SLC38A10: variants seen among roughly 807,000 people sequenced by gnomAD.
The protein encoded by SLC38A10 is Sodium-coupled neutral amino acid transporter 10.
In SLC38A10, 53 loss-of-function variants were observed where a neutral mutation model predicts 81.0. The observed-to-expected ratio is 0.65, with a 90% CI of 0.53 to 0.82. SLC38A10 has a LOEUF of 0.82. Ranked by LOEUF, SLC38A10 falls within the 40% of genes least tolerant of loss-of-function variation. The pLI is 0.00. For synonymous variants in SLC38A10, 665 were observed against 655.3 expected, an observed-to-expected ratio of 1.01 and a Z score of -0.23; for missense variants, 1,471 against 1,545.0, an observed-to-expected ratio of 0.95 and a Z score of 0.80.
Position 81,286,657 on chromosome 17 carries a change from G to C in SLC38A10, c.218-1762C>G, listed in dbSNP as rs1164424093. On this transcript the variant is annotated intron_variant, in intron 2 of 15. Transcript: ENST00000374759. The surrounding 1 kb of genome is among the most constrained non-coding windows in gnomAD (Gnocchi z 6.0). ...CGGGCCCAGCCCCTGCCAGGCTGGA[G>C]GTATCTGTGAGCGGCGAGCTCTGAG... 6.6e-6 allele frequency among the ~76,000 whole-genome samples: 1 copy of C among 152,194 alleles called. No individual in the cohort carries two copies. The highest frequency in any genetic ancestry group is 1.9e-4 in the East Asian group (1 of 5,196).
chr17:81,273,974 C>T (rs1190606755), intron 8 of SLC38A10, among the ~76,000 whole-genome samples: 1 of 152,242 alleles, frequency 6.6e-6, no homozygotes, highest in Non-Finnish European at 1.5e-5. Context: ...ACGGAGGAAA[C>T]AGCCAGGTCC....
chr17:81,275,048 GGCATGCGCTGCCAT>G (rs2063148730), intron 8 of SLC38A10, among the ~76,000 whole-genome samples: 1 of 152,178 alleles, frequency 6.6e-6, no homozygotes, highest in African/African-American at 2.4e-5. Flanking sequence ...TAGGACTACA[GGCATGCGCTGCCAT>G]GCGTGGCTAA....
intron 6 of SLC38A10, among the ~76,000 whole-genome samples, chr17:81,279,400 C>T (rs1277222744): frequency 2.6e-5 from 4 of 152,206 alleles, no homozygotes; most frequent in South Asian, 4.1e-4. Flanking sequence ...GGTGCAGTGA[C>T]GCTGTGGGAG....
intron 14 of SLC38A10, chr17:81,251,020 G>A (rs2062905355): frequency 7.8e-6 from 11 of 1,418,370 alleles, no homozygotes; most frequent in African/African-American, 1.4e-5. Flanking sequence ...CCAGGGCTAT[G>A]CTAGGACCAG....
At chr17:81,290,544 C>T (rs1012461917) in intron 1 of SLC38A10, among the ~76,000 whole-genome samples, 6 of 152,176 alleles carry the variant, frequency 3.9e-5, no homozygotes, top group African/African-American at 1.4e-4. Context: ...TTACAGGAAA[C>T]TCAGAAAAGG....
At chr17:81,271,273 A>T (rs2063113388) in intron 9 of SLC38A10, among the ~76,000 whole-genome samples, 1 of 152,052 alleles carries the variant, frequency 6.6e-6, no homozygotes, top group Admixed American at 6.5e-5. Context: ...GACACTAGGG[A>T]CCTCCTGCCG....
chr17:81,252,834 T>C lies in SLC38A10; in HGVS notation c.1457-151A>G, dbSNP rs893634090. The C allele has an allele frequency of 3.8e-6, 5 of 1,312,630 alleles. No homozygotes were observed. The African/African-American group carries it at 7.4e-5, about 19-fold the overall frequency. The allele number at this position is 1,312,630 out of a possible 1,614,324, so 81.3% of individuals were successfully genotyped here. Reference sequence around the variant, plus strand: ...CTCCCCTGCCGGCCTCCCTGCTGCCTGGCCAAGCACAGCTGATGCTAAAGT... The same window carrying C: ...CTCCCCTGCCGGCCTCCCTGCTGCCCGGCCAAGCACAGCTGATGCTAAAGT... On this transcript the variant is annotated intron_variant, in intron 12 of 15. Transcript: ENST00000374759.
intron 14 of SLC38A10, 187 bp from the exon 15 acceptor site, chr17:81,247,248 G>A: frequency 1.8e-6 from 1 of 554,038 alleles, no homozygotes; most frequent in South Asian, 4.3e-5. Context: ...ATGCACGCAG[G>A]CCTGAGGGCC....
Position 81,270,908 on chromosome 17 carries a change from C to G in SLC38A10, c.1131+10G>C, listed in dbSNP as rs549501754. On this transcript the variant is annotated intron_variant, in intron 10 of 15. Transcript: ENST00000374759. The surrounding 1 kb of genome is among the most constrained non-coding windows in gnomAD (Gnocchi z 4.0). ...GCCCTCGTCCAGGCCACCCCACGAG[C>G]AGCACGCACCTGGGAGGAAAGTGCG... 6.2e-7 allele frequency: 1 copy of G among 1,612,748 alleles called. No homozygotes were observed. The highest frequency in any genetic ancestry group is 1.7e-5 in the Admixed American group (1 of 60,010).
chr17:81,283,584 G>T lies in SLC38A10; in HGVS notation c.264-82C>A. 3.0e-6 allele frequency: 3 copies of T among 1,007,668 alleles called. No homozygotes were observed. The highest frequency in any genetic ancestry group is 2.4e-5 in the Admixed American group (1 of 40,994). The allele number at this position is 1,007,668 out of a possible 1,614,324, so 62.4% of individuals were successfully genotyped here. On this transcript the variant is annotated intron_variant, in intron 3 of 15. Coordinates refer to ENST00000374759, the MANE Select transcript of SLC38A10 (RefSeq NM_001037984.3). This position sits in a 1 kb window ranked among gnomAD's most constrained non-coding sequence, Gnocchi z 4.7. ...GGCTGCCGCCAGGGACTACCCCAAG[G>T]CTGGGCTGAATGACAGATGTGATTT...
chr17:81,284,742 C>A, intron 3 of SLC38A10, 108 bp downstream of exon 3: 2 of 864,370 alleles, frequency 2.3e-6, no homozygotes, highest in Non-Finnish European at 3.4e-6. Context: ...TCTTCAGAAA[C>A]CTAAGTTACA....
intron 8 of SLC38A10, among the ~76,000 whole-genome samples, chr17:81,275,038 T>C (rs1309852456): frequency 6.6e-6 from 1 of 152,200 alleles, no homozygotes; most frequent in Non-Finnish European, 1.5e-5. Flanking sequence ...CCCGAGTCAC[T>C]AGGACTACAG....
At chr17:81,260,109 C>A (rs998166750) in intron 11 of SLC38A10, 129 bp downstream of exon 11, 5 of 1,212,588 alleles carry the variant, frequency 4.1e-6, no homozygotes, top group African/African-American at 1.5e-5. Flanking sequence ...GCTGGTGGCC[C>A]CACCCTGCTG....
In SLC38A10 at chr17:81,252,163, G is replaced by C. The variant is rs371713225; in HGVS notation, c.1945+32C>G. 1.3e-5 allele frequency: 20 copies of C among 1,492,748 alleles called. No individual in the cohort carries two copies. The African/African-American group carries it at 2.5e-4, about 19-fold the overall frequency. 92.5% of individuals were successfully genotyped at this position (1,492,748 alleles called of 1,614,324 possible). A position where few individuals can be genotyped will look rare whatever the true frequency, so the allele number is the denominator to read the frequency against. On this transcript the variant is annotated intron_variant, in intron 13 of 15. Transcript: ENST00000374759. ...AGCCTCCCCAGCCCAAGAGGGGAGT[G>C]TCTTCCGACACGAGCCCAGGCTGAC...
Position 81,295,126 on chromosome 17 carries a change from G to C in SLC38A10, c.-205C>G. ...CCTGGAGGAGGCAGCCTCGAAGGCCGGCTGCGGGGGCGAGGTCAACCTCCG... is the reference window on the plus strand; with the variant it reads ...CCTGGAGGAGGCAGCCTCGAAGGCCCGCTGCGGGGGCGAGGTCAACCTCCG... On this transcript the variant is annotated 5_prime_UTR_variant, in exon 1 of 16. Coordinates refer to ENST00000374759, the MANE Select transcript of SLC38A10 (RefSeq NM_001037984.3). The C allele has an allele frequency of 1.1e-6, 1 of 890,814 alleles. No homozygotes were observed. The highest frequency in any genetic ancestry group is 4.7e-5 in the East Asian group (1 of 21,236). 55.2% of individuals were successfully genotyped at this position (890,814 alleles called of 1,614,324 possible).
At chr17:81,273,689 A>G (rs1342088801) in intron 8 of SLC38A10, among the ~76,000 whole-genome samples, 1 of 152,182 alleles carries the variant, frequency 6.6e-6, no homozygotes, top group Non-Finnish European at 1.5e-5. Context: ...ATCACACAAG[A>G]GTCCCGGTCC....
At chr17:81,249,294 A>G (rs1396422334) in intron 14 of SLC38A10, among the ~76,000 whole-genome samples, 1 of 20,216 alleles carries the variant, frequency 4.9e-5, no homozygotes, top group East Asian at 8.8e-4. Context: ...AAGAGGAGGA[A>G]GGAGGGAAGA....
chr17:81,287,834 C>A (rs2063280382), intron 2 of SLC38A10, among the ~76,000 whole-genome samples: 1 of 152,236 alleles, frequency 6.6e-6, no homozygotes. Context: ...CACCGGTCTT[C>A]TTCCAGGACA....
At chr17:81,248,732 G>A (rs1227187791) in intron 14 of SLC38A10, among the ~76,000 whole-genome samples, 1 of 152,216 alleles carries the variant, frequency 6.6e-6, no homozygotes, top group Non-Finnish European at 1.5e-5. Flanking sequence ...GTGACACCAT[G>A]ACCAGCCAGA....
Sources: gnomAD v4.1 joint callset for allele counts (sites outside exome capture counted in the v4.1 genomes callset) on GRCh38, gnomAD v4.1.1 for gene constraint, Gnocchi (gnomAD v3.1) non-coding constraint, MANE v1.5 for transcripts, NCBI Gene and HGNC (gene_info 2026-07-23, HGNC 2026-07-21) for gene names.